Variants in TBPL2 observed in about 807,000 individuals in gnomAD.
TBPL2 encodes the protein TATA box-binding protein-like 2.
Under a neutral mutation model 38.2 loss-of-function variants are expected in TBPL2, and 40 were observed. That is an observed-to-expected ratio of 1.05 (90% CI 0.81 to 1.36). The LOEUF is 1.36. Ranked by LOEUF, TBPL2 falls within the 40% of genes most tolerant of loss-of-function variation. TBPL2 has a pLI of 0.00. For synonymous variants in TBPL2, 169 were observed against 171.7 expected, an observed-to-expected ratio of 0.98 and a Z score of 0.12; for missense variants, 461 against 456.7, an observed-to-expected ratio of 1.01 and a Z score of -0.09.
chr14:55,435,741 C>A, intron 3 of TBPL2, 106 bp downstream of exon 3: 1 of 848,968 alleles, frequency 1.2e-6, no homozygotes, highest in Non-Finnish European at 1.8e-6. Flanking sequence ...TTTTCAGTAA[C>A]AATTTTTTAA....
Position 55,440,389 on chromosome 14 carries a change from G to A in TBPL2, c.150+7C>T. 3 of 1,613,016 alleles carry A rather than the reference G, an allele frequency of 1.9e-6. No individual in the cohort carries two copies. The highest frequency in any genetic ancestry group is 2.5e-6 in the Non-Finnish European group (3 of 1,180,004). ...TCCTGACTCTGGGACAGTGGCGGCA[G>A]CCTCACCTGAGCGGCGCACTGGTCC... On this transcript the variant is annotated splice_region_variant and intron_variant, in intron 1 of 6. Coordinates refer to ENST00000247219, the Ensembl canonical transcript of TBPL2.
intron 6 of TBPL2, among the ~76,000 whole-genome samples, chr14:55,420,912 T>A (rs1297488877): frequency 6.6e-6 from 1 of 151,584 alleles, no homozygotes; most frequent in Non-Finnish European, 1.5e-5. Context: ...ACAAAAAAAA[T>A]TAGCTGGGCA....
In TBPL2 at chr14:55,440,298, T is replaced by A. The variant is rs543869279; in HGVS notation, c.150+98A>T. 7.7e-6 allele frequency: 11 copies of A among 1,437,682 alleles called. No homozygotes were observed. The East Asian group carries it at 9.3e-5, about 12-fold the overall frequency. 89.1% of individuals were successfully genotyped at this position (1,437,682 alleles called of 1,614,324 possible). ...CTTGGGAAACCAAGCCCGCCTCTTA[T>A]GGTCGCTATGAGTTTTAAGAGGAAC... On this transcript the variant is annotated intron_variant, in intron 1 of 6. Coordinates refer to ENST00000247219, the Ensembl canonical transcript of TBPL2.
chr14:55,430,409 A>G (rs1360587425), intron 4 of TBPL2, among the ~76,000 whole-genome samples: 1 of 150,938 alleles, frequency 6.6e-6, no homozygotes, highest in Admixed American at 6.6e-5. Flanking sequence ...AAAAAAAAAA[A>G]AAAAAAAAAA....
intron 4 of TBPL2, 39 bp downstream of exon 4, chr14:55,433,591 T>C (rs758279930): frequency 2.2e-5 from 34 of 1,566,924 alleles, no homozygotes; most frequent in Non-Finnish European, 2.9e-5. Context: ...ACATACTAAA[T>C]TGTTTCTCTG....
chr14:55,428,213 T>C (rs1157607144), intron 5 of TBPL2, among the ~76,000 whole-genome samples: 1 of 133,232 alleles, frequency 7.5e-6, no homozygotes, highest in Non-Finnish European at 1.5e-5. Flanking sequence ...CACTGCAAGC[T>C]CCACCTCCTG....
chr14:55,425,884 T>C (rs1284520295), intron 5 of TBPL2, among the ~76,000 whole-genome samples: 1 of 152,232 alleles, frequency 6.6e-6, no homozygotes, highest in Non-Finnish European at 1.5e-5. Flanking sequence ...CTATATTGCT[T>C]GCCATTATCA....
chr14:55,440,520 C>T lies in TBPL2; in HGVS notation c.26G>A (p.Arg9Gln). The change falls in exon 1 of 7, where the codon CGG becomes CAG. Residue 9 changes from arginine to glutamine, a missense_variant. By Grantham distance (43) the Arg-to-Gln change is conservative. Coordinates refer to ENST00000247219, the Ensembl canonical transcript of TBPL2. ...GCGCGGAGCGAGCAGCCTCGGAACC[C>T]GCTCCGGCCAGGGCGCAGAGGCCAT... 11 of 1,609,708 alleles carry T rather than the reference C, an allele frequency of 6.8e-6. No individual in the cohort carries two copies. The highest frequency in any genetic ancestry group is 8.5e-6 in the Non-Finnish European group (10 of 1,178,728).
intron 6 of TBPL2, among the ~76,000 whole-genome samples, chr14:55,415,984 A>G (rs1233310402): frequency 2.0e-5 from 3 of 152,242 alleles, no homozygotes; most frequent in South Asian, 4.1e-4. Context: ...AAAGCCAGAC[A>G]TGAAAAGTCA....
At chr14:55,414,913 TAA>T (rs1316247358) in intron 6 of TBPL2, among the ~76,000 whole-genome samples, 2 of 152,222 alleles carry the variant, frequency 1.3e-5, no homozygotes, top group South Asian at 4.1e-4. Context: ...ATTCTAAATT[TAA>T]AAGAGTTTTA....
chr14:55,431,715 T>C (rs970417731), intron 4 of TBPL2, among the ~76,000 whole-genome samples: 2 of 152,226 alleles, frequency 1.3e-5, no homozygotes, highest in African/African-American at 4.8e-5. Flanking sequence ...GATCCTTCAA[T>C]AAATGTATCT....
chr14:55,423,777 C>T (rs551187558), intron 6 of TBPL2, among the ~76,000 whole-genome samples: 1 of 152,300 alleles, frequency 6.6e-6, no homozygotes, highest in East Asian at 1.9e-4. Context: ...CTGTGGCTCA[C>T]AAAGCTTAAA....
chr14:55,421,948 T>C (rs1305117377), intron 6 of TBPL2, among the ~76,000 whole-genome samples: 1 of 152,216 alleles, frequency 6.6e-6, no homozygotes, highest in African/African-American at 2.4e-5. Flanking sequence ...CAAGATTTTA[T>C]AAAATTCTAG....
rs144681507 is a variant in TBPL2 at position 55,414,356 on chromosome 14, A to G, written c.*23T>C. On this transcript the variant is annotated 3_prime_UTR_variant, in exon 7 of 7. Coordinates refer to ENST00000247219, the Ensembl canonical transcript of TBPL2. ...TTATGGACATATTCAAACCAGAATA[A>G]TGTGAGATGCTGAATGATATGCTCA... is the stretch of plus-strand genomic sequence containing the variant. 5.6e-5 allele frequency: 87 copies of G among 1,555,236 alleles called. No individual in the cohort carries two copies. The African/African-American group carries it at 9.8e-4, about 17-fold the overall frequency.
intron 2 of TBPL2, among the ~76,000 whole-genome samples, chr14:55,436,333 T>G (rs902392156): frequency 1.3e-5 from 2 of 152,194 alleles, no homozygotes; most frequent in Non-Finnish European, 2.9e-5. Context: ...AGAATGCATC[T>G]ATTAATCTTT....
intron 4 of TBPL2, among the ~76,000 whole-genome samples, chr14:55,429,631 T>G (rs765976133): frequency 5.8e-4 from 88 of 151,870 alleles, no homozygotes; most frequent in Middle Eastern, 3.4e-3. Context: ...CTGGACATGG[T>G]GGCGGGCACC....
intron 5 of TBPL2, among the ~76,000 whole-genome samples, chr14:55,428,239 T>C (rs950873059): frequency 6.8e-6 from 1 of 148,116 alleles, no homozygotes; most frequent in Non-Finnish European, 1.5e-5. Context: ...TGGCCATTCT[T>C]CTGCCTCAGC....
At chr14:55,421,021 A>G (rs1885734620) in intron 6 of TBPL2, among the ~76,000 whole-genome samples, 1 of 145,730 alleles carries the variant, frequency 6.9e-6, no homozygotes, top group Admixed American at 7.4e-5. Context: ...AGATCGCACC[A>G]CTGCACTGCA....
intron 5 of TBPL2, among the ~76,000 whole-genome samples, chr14:55,425,655 C>T (rs1445123816): frequency 6.6e-6 from 1 of 152,188 alleles, no homozygotes; most frequent in Non-Finnish European, 1.5e-5. Context: ...TCTTGGCCAA[C>T]CCAACTTTGA....
Sources: allele counts gnomAD v4.1 joint callset (sites outside exome capture counted in the v4.1 genomes callset), GRCh38; gene constraint gnomAD v4.1.1; transcripts MANE v1.5; gene names NCBI Gene and HGNC (gene_info 2026-07-23, HGNC 2026-07-21).